ARL15: variants seen among roughly 807,000 people sequenced by gnomAD.
ARL15 encodes ADP-ribosylation factor-like protein 15.
ARL15 carries 19 observed loss-of-function variants against 25.2 expected under a neutral mutation model. That is an observed-to-expected ratio of 0.75 (90% CI 0.53 to 1.10). The LOEUF is 1.10. ARL15 is among the 50% of genes least tolerant of loss of function. The probability of loss-of-function intolerance (pLI) is 0.00; values close to 1 mark genes in which losing one functional copy is unlikely to be tolerated. For synonymous variants in ARL15, 94 were observed against 86.8 expected, an observed-to-expected ratio of 1.08 and a Z score of -0.46; for missense variants, 220 against 246.0, an observed-to-expected ratio of 0.89 and a Z score of 0.71.
At chr5:54,155,735 T>C (rs996758970) in intron 2 of ARL15, among the ~76,000 whole-genome samples, 19 of 151,304 alleles carry the variant, frequency 1.3e-4, no homozygotes, top group African/African-American at 4.6e-4. Context: ...TACACACAGA[T>C]TCTTTCTGAA....
rs1751860328 is a variant in ARL15 at position 54,083,204 on chromosome 5, C to T, written c.462+29998G>A. Among the ~76,000 whole-genome samples the T allele has an allele frequency of 3.3e-5, 5 of 152,268 alleles. No individual in the cohort carries two copies. The South Asian group carries it at 8.3e-4, about 25-fold the overall frequency. ...AAATCAAAGAATTGTATTTCATGAG[C>T]AGTGCCTTCCAATTAAAAAAGAAGA... On this transcript the variant is annotated intron_variant, in intron 4 of 4. Transcript: ENST00000504924.
intron 4 of ARL15, among the ~76,000 whole-genome samples, chr5:54,025,971 G>C (rs1181777017): frequency 1.3e-5 from 2 of 152,118 alleles, no homozygotes; most frequent in Non-Finnish European, 2.9e-5. Flanking sequence ...GAAGCAGAGG[G>C]CTTGATGGGA....
At chr5:54,180,932 G>A (rs1755037707) in intron 1 of ARL15, among the ~76,000 whole-genome samples, 1 of 152,178 alleles carries the variant, frequency 6.6e-6, no homozygotes, top group Non-Finnish European at 1.5e-5. Context: ...ATGGAAGAGA[G>A]TGCTGCTGCG....
intron 1 of ARL15, among the ~76,000 whole-genome samples, chr5:54,270,262 A>T (rs1757747345): frequency 6.6e-6 from 1 of 152,112 alleles, no homozygotes; most frequent in Admixed American, 6.5e-5. Flanking sequence ...CAACACTAAC[A>T]TCATATTTTG....
chr5:54,108,030 G>A (rs975294129), intron 4 of ARL15, among the ~76,000 whole-genome samples: 5 of 152,004 alleles, frequency 3.3e-5, no homozygotes, highest in African/African-American at 1.2e-4. Context: ...AATGCATATA[G>A]AAATAAATGA....
intron 4 of ARL15, among the ~76,000 whole-genome samples, chr5:54,051,363 C>T (rs191937075): frequency 2.8e-4 from 43 of 152,300 alleles, no homozygotes; most frequent in Middle Eastern, 3.4e-3. Context: ...AATTCTTAAT[C>T]GACCCTCACA....
intron 4 of ARL15, among the ~76,000 whole-genome samples, chr5:54,069,026 T>C (rs562633082): frequency 6.6e-6 from 1 of 152,222 alleles, no homozygotes; most frequent in African/African-American, 2.4e-5. Context: ...TATATTAACA[T>C]ATAAATTTTT....
chr5:54,214,417 C>T (rs970890426), intron 1 of ARL15, among the ~76,000 whole-genome samples: 23 of 152,140 alleles, frequency 1.5e-4, no homozygotes, highest in Non-Finnish European at 2.9e-4. Flanking sequence ...TTGAAAAATG[C>T]TGGAGCTTTT....
intron 4 of ARL15, among the ~76,000 whole-genome samples, chr5:53,992,533 T>C (rs1311493821): frequency 6.6e-6 from 1 of 152,240 alleles, no homozygotes; most frequent in Non-Finnish European, 1.5e-5. Context: ...CTGTATTCCA[T>C]TAAATTTCAC....
chr5:53,886,461 T>C lies in ARL15; in HGVS notation c.*100A>G, dbSNP rs1744527921. The C allele has an allele frequency of 2.3e-6, 3 of 1,286,302 alleles. No individual in the cohort carries two copies. The highest frequency in any genetic ancestry group is 3.2e-6 in the Non-Finnish European group (3 of 952,222). The allele number at this position is 1,286,302 out of a possible 1,614,324, so 79.7% of individuals were successfully genotyped here. A position where few individuals can be genotyped will look rare whatever the true frequency, so the allele number is the denominator to read the frequency against. On this transcript the variant is annotated 3_prime_UTR_variant, in exon 5 of 5. Coordinates refer to ENST00000504924, the MANE Select transcript of ARL15 (RefSeq NM_019087.3). ...TCTGAAATGACCAGAGGAAAATAGATACTGAAGCCAATATAGTCTTGATAC... is the reference window on the plus strand; with the variant it reads ...TCTGAAATGACCAGAGGAAAATAGACACTGAAGCCAATATAGTCTTGATAC...
At position 54,233,998 on chromosome 5, in the gene ARL15, G is replaced by T. The variant is rs1413668970; in HGVS notation, c.49-62070C>A. Among the ~76,000 whole-genome samples the T allele has an allele frequency of 5.9e-5, 9 of 152,138 alleles. No individual in the cohort carries two copies. In the South Asian group the frequency reaches 1.7e-3, roughly 28 times the overall value. On this transcript the variant is annotated intron_variant, in intron 1 of 4. Transcript: ENST00000504924. ...TGTTATTCATATTAACATGTAATGGGTTTATTTTTATTTATTTTTTGAGAC... is the reference window on the plus strand; with the variant it reads ...TGTTATTCATATTAACATGTAATGGTTTTATTTTTATTTATTTTTTGAGAC...
At chr5:53,895,404 T>C (rs1318291232) in intron 4 of ARL15, among the ~76,000 whole-genome samples, 1 of 152,228 alleles carries the variant, frequency 6.6e-6, no homozygotes, top group East Asian at 1.9e-4. Flanking sequence ...TAGCCTGTGT[T>C]TCTTTCGTGT....
intron 4 of ARL15, among the ~76,000 whole-genome samples, chr5:54,102,358 G>A (rs1325272332): frequency 6.6e-6 from 1 of 152,030 alleles, no homozygotes; most frequent in African/African-American, 2.4e-5. Context: ...TGAGTAAAAT[G>A]TAAATCTTTA....
intron 1 of ARL15, among the ~76,000 whole-genome samples, chr5:54,266,637 A>T (rs1757633944): frequency 6.6e-6 from 1 of 152,250 alleles, no homozygotes; most frequent in Non-Finnish European, 1.5e-5. Flanking sequence ...TTCACTGAGC[A>T]AAAAGAAAAC....
At chr5:54,262,105 T>C (rs546837040) in intron 1 of ARL15, among the ~76,000 whole-genome samples, 1 of 152,230 alleles carries the variant, frequency 6.6e-6, no homozygotes, top group South Asian at 2.1e-4. Context: ...CCTCTCTCAT[T>C]TAAGAAGTCT....
At chr5:54,230,525 G>A (rs543767027) in intron 1 of ARL15, among the ~76,000 whole-genome samples, 2 of 152,090 alleles carry the variant, frequency 1.3e-5, no homozygotes, top group South Asian at 2.1e-4. Context: ...ATGGGACTAC[G>A]TCAAAAATAT....
At chr5:53,943,781 G>A (rs1050481810) in intron 4 of ARL15, among the ~76,000 whole-genome samples, 1 of 152,186 alleles carries the variant, frequency 6.6e-6, no homozygotes, top group African/African-American at 2.4e-5. Flanking sequence ...GAGAGCTGGA[G>A]TTTCCAAGAA....
chr5:54,054,326 C>A (rs886464521), intron 4 of ARL15, among the ~76,000 whole-genome samples: 1 of 152,170 alleles, frequency 6.6e-6, no homozygotes, highest in African/African-American at 2.4e-5. Context: ...CTGAGACTTG[C>A]ACCAGTGGAT....
At chr5:54,160,902 T>C (rs1167485509) in intron 2 of ARL15, among the ~76,000 whole-genome samples, 3 of 152,164 alleles carry the variant, frequency 2.0e-5, no homozygotes, top group Non-Finnish European at 4.4e-5. Context: ...TCAATAAATA[T>C]TGCATTTTTA....
Sources: gnomAD v4.1 joint callset for allele counts (sites outside exome capture counted in the v4.1 genomes callset) on GRCh38, gnomAD v4.1.1 for gene constraint, MANE v1.5 for transcripts, NCBI Gene and HGNC (gene_info 2026-07-23, HGNC 2026-07-21) for gene names.